Variants in SMTN observed in about 807,000 individuals in gnomAD.
SMTN encodes the protein smoothelin.
Under a neutral mutation model 102.0 loss-of-function variants are expected in SMTN, and 58 were observed. The ratio of observed to expected loss-of-function variants is 0.57; its 90% CI spans 0.46 to 0.71. SMTN has a LOEUF of 0.71. Among genes scored for constraint, SMTN ranks in the 30% least tolerant of loss-of-function variants. The probability of loss-of-function intolerance (pLI) is 0.00; values close to 1 mark genes in which losing one functional copy is unlikely to be tolerated. For synonymous variants in SMTN, 478 were observed against 497.9 expected (o/e 0.96, Z 0.53); for missense variants, 1,185 against 1,241.7 (o/e 0.95, Z 0.69).
intron 10 of SMTN, 43 bp from the exon 11 acceptor site, chr22:31,091,632 A>C (rs373836111): frequency 6.4e-7 from 1 of 1,551,500 alleles, no homozygotes; most frequent in South Asian, 1.2e-5. Flanking sequence ...CACTGCCCTC[A>C]CTCCACCTGA....
Position 31,088,910 on chromosome 22 carries a change from A to G in SMTN, c.412A>G (p.Asn138Asp), listed in dbSNP as rs760745146. The change falls in exon 6 of 21, where the codon AAC becomes GAC. Residue 138 changes from asparagine (N) to aspartate (D), a missense_variant. Physicochemically the swap from Asn to Asp is conservative, Grantham distance 23. Coordinates refer to ENST00000333137, the MANE Select transcript of SMTN (RefSeq NM_134269.3). ...LAGRLYSGRP[N>D]SGSREDSKGL... Reference sequence around the variant, plus strand: ...TGGGAGGTTGTACAGCGGGCGTCCCAACAGTGGCTCAAGAGAGGACAGCAA... The same window carrying G: ...TGGGAGGTTGTACAGCGGGCGTCCCGACAGTGGCTCAAGAGAGGACAGCAA... 1 of 1,613,920 alleles carries G rather than the reference A, an allele frequency of 6.2e-7. No individual in the cohort carries two copies. The highest frequency in any genetic ancestry group is 1.1e-5 in the South Asian group (1 of 91,084).
intron 1 of SMTN, among the ~76,000 whole-genome samples, chr22:31,070,236 G>A (rs911896007): frequency 6.6e-6 from 1 of 152,120 alleles, no homozygotes; most frequent in African/African-American, 2.4e-5. Flanking sequence ...ATGAAGGGTC[G>A]GTGTAATGCT....
At position 31,090,869 on chromosome 22, in the gene SMTN, C is replaced by T. The variant is rs770297967; in HGVS notation, c.927C>T (p.Ala309=). ...CGGTGCTCAGCCCCCGCCAACCAGCCCAGAACCGAGGTACTACCTATTCTC... is the reference window on the plus strand; with the variant it reads ...CGGTGCTCAGCCCCCGCCAACCAGCTCAGAACCGAGGTACTACCTATTCTC... ...SLSVLSPRQP[A]QNRESTPLAS... is the part of the protein sequence containing the mutation. Residue 309 remains alanine, a synonymous_variant, in exon 9 of 21, where the codon GCC becomes GCT. Transcript: ENST00000333137. The T allele has an allele frequency of 4.3e-6, 7 of 1,613,844 alleles. No homozygotes were observed. Among genetic ancestry groups the T allele is most frequent in the Non-Finnish European group, 5.9e-6 (7 of 1,179,944 alleles).
intron 8 of SMTN, among the ~76,000 whole-genome samples, chr22:31,090,547 G>A (rs1460989822): frequency 1.3e-5 from 2 of 152,026 alleles, no homozygotes; most frequent in East Asian, 1.9e-4. Flanking sequence ...CCTAAGCCTC[G>A]CCTGGCCCCC....
Position 31,101,010 on chromosome 22 carries a change from T to C in SMTN, c.2729T>C (p.Val910Ala). Residue 910 changes from valine to alanine, a missense_variant, in exon 20 of 21, where the codon GTA becomes GCA. Coordinates refer to ENST00000333137, the MANE Select transcript of SMTN (RefSeq NM_134269.3). ...FYRCLVQKGL[V>A]KTKKS ...CGCTGTCTGGTCCAGAAGGGGCTGG[T>C]AAAAACCAAAAAGTCCTAACCCCTG... 1 of 1,612,510 alleles carries C rather than the reference T, an allele frequency of 6.2e-7. No homozygotes were observed. Among genetic ancestry groups the C allele is most frequent in the South Asian group, 1.1e-5 (1 of 90,888 alleles).
Position 31,096,565 on chromosome 22 carries a change from G to T in SMTN, c.1862-168G>T, listed in dbSNP as rs867966246. 18 of 595,226 alleles carry T rather than the reference G, an allele frequency of 3.0e-5. No homozygotes were observed. In the Middle Eastern group the frequency reaches 1.7e-3, roughly 58 times the overall value. The allele number at this position is 595,226 out of a possible 1,614,324, so 36.9% of individuals were successfully genotyped here. A position where few individuals can be genotyped will look rare whatever the true frequency, so the allele number is the denominator to read the frequency against. On this transcript the variant is annotated intron_variant, in intron 13 of 20. Coordinates refer to ENST00000333137, the MANE Select transcript of SMTN (RefSeq NM_134269.3). ...ACACTCCATTCCCTGTCAAGTTATG[G>T]CTGTCCCCTCACCCCAGCTGCTCCT...
chr22:31,085,751 A>T (rs960016226), intron 2 of SMTN, among the ~76,000 whole-genome samples: 1 of 152,226 alleles, frequency 6.6e-6, no homozygotes, highest in African/African-American at 2.4e-5. Flanking sequence ...CTTTGCCTCC[A>T]GGCCCAAAGG....
chr22:31,088,589 G>A lies in SMTN; in HGVS notation c.277G>A (p.Glu93Lys), dbSNP rs1428322674. The A allele has an allele frequency of 1.2e-5, 20 of 1,613,828 alleles. No homozygotes were observed. Among genetic ancestry groups the A allele is most frequent in the Non-Finnish European group, 1.6e-5 (19 of 1,179,918 alleles). The change falls in exon 4 of 21, where the codon GAG becomes AAG. Residue 93 changes from glutamate (E) to lysine (K), a missense_variant. This residue lies in a region of SMTN where 1,096 missense variants were observed against 1,112.7 expected (regional missense o/e 0.98). Coordinates refer to ENST00000333137, the MANE Select transcript of SMTN (RefSeq NM_134269.3). ...AGQLESMNDV[E>K]ELTALLRSAG... ...GCAGCTGGAGTCCATGAACGATGTGGAGGAATTGACTGCACTGGTGAGGCC... is the reference window on the plus strand; with the variant it reads ...GCAGCTGGAGTCCATGAACGATGTGAAGGAATTGACTGCACTGGTGAGGCC...
At position 31,091,866 on chromosome 22, in the gene SMTN, C is replaced by A; in HGVS notation, c.1632+19C>A. On this transcript the variant is annotated intron_variant, in intron 11 of 20. Coordinates refer to ENST00000333137, the MANE Select transcript of SMTN (RefSeq NM_134269.3). The stretch of plus-strand genomic sequence containing the variant: ...CATCAAGGTGAGCCCCTCCTCACCC[C>A]ACCAGCCTCACCATCCGTCAGCCTC... 1 of 1,540,598 alleles carries A rather than the reference C, an allele frequency of 6.5e-7. No homozygotes were observed. The highest frequency in any genetic ancestry group is 8.8e-7 in the Non-Finnish European group (1 of 1,135,954).
intron 1 of SMTN, among the ~76,000 whole-genome samples, chr22:31,070,948 A>G (rs2041984451): frequency 6.6e-6 from 1 of 151,310 alleles, no homozygotes; most frequent in African/African-American, 2.4e-5. Context: ...AAAAGAAAAG[A>G]AAACGATTTA....
In SMTN at chr22:31,091,812, G is replaced by GC. The variant is rs758895137; in HGVS notation, c.1605dup (p.Ser536GlnfsTer2). 619 of 1,590,914 alleles carry GC rather than the reference G, an allele frequency of 3.9e-4. No homozygotes were observed. Among genetic ancestry groups the GC allele is most frequent in the South Asian group, 7.0e-4 (62 of 88,262 alleles). On this transcript the variant is annotated frameshift_variant, in exon 11 of 21. Transcript: ENST00000333137. LOFTEE classifies it high-confidence loss of function. The stretch of plus-strand genomic sequence containing the variant: ...CACTCATGTCACCAGCTTCAGCCAT[G>GC]CCCCCCCCAGTAGCCGAGGAGGCTG...
chr22:31,095,534 C>T lies in SMTN; in HGVS notation c.1786C>T (p.Leu596=), dbSNP rs761585738. ...IEDEGVLDKM[L]DQSTDFEERK... ...AGGCAATGATGGGCTCTATATGCAG[C>T]TGGATCAGAGCACGGACTTTGAAGA... Residue 596 remains leucine (L), a splice_region_variant and synonymous_variant, in exon 13 of 21, where the codon CTG becomes TTG. Coordinates refer to ENST00000333137, the MANE Select transcript of SMTN (RefSeq NM_134269.3). The surrounding 1 kb of genome is among the most constrained non-coding windows in gnomAD (Gnocchi z 4.1). The T allele has an allele frequency of 6.2e-7, 1 of 1,614,196 alleles. No homozygotes were observed. Among genetic ancestry groups the T allele is most frequent in the South Asian group, 1.1e-5 (1 of 91,086 alleles).
intron 11 of SMTN, chr22:31,092,539 C>A (rs867333046): frequency 6.4e-6 from 3 of 471,154 alleles, no homozygotes; most frequent in African/African-American, 6.0e-5. Context: ...AGGTAATGCC[C>A]TCTGTGCTAA....
chr22:31,079,553 C>A (rs1239207080), upstream of SMTN, among the ~76,000 whole-genome samples: 1 of 152,220 alleles, frequency 6.6e-6, no homozygotes, highest in African/African-American at 2.4e-5. Context: ...CCTAGGTGTG[C>A]CCTGCATGAA....
chr22:31,091,189 C>A lies in SMTN; in HGVS notation c.1166C>A (p.Thr389Asn), dbSNP rs768672066. The A allele has an allele frequency of 1.2e-6, 2 of 1,613,274 alleles. No homozygotes were observed. The highest frequency in any genetic ancestry group is 1.7e-6 in the Non-Finnish European group (2 of 1,179,758). Residue 389 changes from threonine (T) to asparagine (N), a missense_variant, in exon 10 of 21, where the codon ACC becomes AAC. This residue lies in a region of SMTN where 1,096 missense variants were observed against 1,112.7 expected (regional missense o/e 0.98). Transcript: ENST00000333137. Reference sequence around the variant, plus strand: ...TCCTCCTCTCGGGGCCCCAGTGATACCTCCTCCCGGTTCAGCAAGGAGCAA... The same window carrying A: ...TCCTCCTCTCGGGGCCCCAGTGATAACTCCTCCCGGTTCAGCAAGGAGCAA... The part of the protein sequence containing the change: ...SGSSSRGPSD[T>N]SSRFSKEQRG...
At position 31,095,512 on chromosome 22, in the gene SMTN, C is replaced by G. The variant is rs1171388685; in HGVS notation, c.1786-22C>G. ...CAGAGGCCAGCAGGCACCAGGTAGG[C>G]AATGATGGGCTCTATATGCAGCTGG... On this transcript the variant is annotated intron_variant, in intron 12 of 20. Coordinates refer to ENST00000333137, the MANE Select transcript of SMTN (RefSeq NM_134269.3). This position sits in a 1 kb window ranked among gnomAD's most constrained non-coding sequence, Gnocchi z 4.1. The G allele has an allele frequency of 6.2e-7, 1 of 1,614,136 alleles. No individual in the cohort carries two copies. The highest frequency in any genetic ancestry group is 8.5e-7 in the Non-Finnish European group (1 of 1,179,970).
chr22:31,098,430 A>G (rs994900416), intron 16 of SMTN, among the ~76,000 whole-genome samples: 1 of 152,006 alleles, frequency 6.6e-6, no homozygotes, highest in Non-Finnish European at 1.5e-5. Context: ...CTTCTCAGAG[A>G]ACTACTCGTG....
chr22:31,098,349 C>T (rs1454481391), intron 16 of SMTN, among the ~76,000 whole-genome samples: 1 of 151,680 alleles, frequency 6.6e-6, no homozygotes, highest in Non-Finnish European at 1.5e-5. Flanking sequence ...TATTATTATG[C>T]TAGTCATCAT....
chr22:31,093,530 C>A, intron 11 of SMTN: 1 of 696,212 alleles, frequency 1.4e-6, no homozygotes, highest in Non-Finnish European at 2.7e-6. Context: ...GAGCTGCGGG[C>A]GGTGGCTGAA....
Sources: allele counts gnomAD v4.1 joint callset (sites outside exome capture counted in the v4.1 genomes callset), GRCh38; gene constraint gnomAD v4.1.1; regional missense constraint gnomAD v4.1.1; non-coding constraint Gnocchi (gnomAD v3.1); transcripts MANE v1.5; gene names NCBI Gene and HGNC (gene_info 2026-07-23, HGNC 2026-07-21).